Variants in SORCS1 observed in about 807,000 individuals in gnomAD.
SORCS1 encodes the protein sortilin related VPS10 domain containing receptor 1.
Under a neutral mutation model 146.1 loss-of-function variants are expected in SORCS1, and 60 were observed. The observed-to-expected ratio is 0.41, with a 90% confidence interval of 0.33 to 0.51. The LOEUF is 0.51. SORCS1 is among the 20% of genes least tolerant of loss of function. SORCS1 has a pLI of 0.21. For synonymous variants in SORCS1, 637 were observed against 584.0 expected (o/e 1.09, Z -1.31); for missense variants, 1,352 against 1,487.6 (o/e 0.91, Z 1.50).
intron 11 of SORCS1, 63 bp downstream of exon 11, chr10:106,679,569 G>C: frequency 7.4e-7 from 1 of 1,355,650 alleles, no homozygotes; most frequent in Admixed American, 2.0e-5. Flanking sequence ...TCCAAGTACA[G>C]ATATCTAGCT....
In SORCS1 at chr10:106,998,978, T is replaced by C. The variant is rs576726696; in HGVS notation, c.559-42398A>G. Among the ~76,000 whole-genome samples the C allele has an allele frequency of 2.0e-5, 3 of 152,332 alleles. No homozygotes were observed. In the South Asian group the frequency reaches 6.2e-4, roughly 32 times the overall value. ...ACTACAGAAGTTTGGCGCTGAATAA[T>C]TCTTGGAATCTGAGGTTGGTCAGAG... is the stretch of plus-strand genomic sequence containing the variant. On this transcript the variant is annotated intron_variant, in intron 1 of 25. Coordinates refer to ENST00000263054, the MANE Select transcript of SORCS1 (RefSeq NM_052918.5).
At chr10:107,176,531 C>G in the SORCS1 span, among the ~76,000 whole-genome samples, 1 of 151,750 alleles carries the variant, frequency 6.6e-6, no homozygotes, top group East Asian at 1.9e-4. Flanking sequence ...GAGACGGGGC[C>G]CCAGTATGTT....
At chr10:106,785,822 C>A in intron 3 of SORCS1, among the ~76,000 whole-genome samples, 1 of 152,156 alleles carries the variant, frequency 6.6e-6, no homozygotes. Flanking sequence ...TAGAGGGGGT[C>A]ATCCAGGAGG....
intron 1 of SORCS1, among the ~76,000 whole-genome samples, chr10:107,094,924 C>A (rs1964445547): frequency 1.3e-5 from 2 of 152,172 alleles, no homozygotes; most frequent in African/African-American, 2.4e-5. Flanking sequence ...GTTTGATGAT[C>A]TGTCGGCAAG....
At chr10:107,059,810 G>A (rs780805863) in intron 1 of SORCS1, among the ~76,000 whole-genome samples, 25 of 151,896 alleles carry the variant, frequency 1.6e-4, no homozygotes, top group Admixed American at 6.6e-5. Context: ...GCAGGCTTAT[G>A]ATCCACAAGC....
intron 6 of SORCS1, among the ~76,000 whole-genome samples, chr10:106,719,433 T>G (rs1473595971): frequency 7.8e-6 from 1 of 128,096 alleles, no homozygotes; most frequent in Non-Finnish European, 1.7e-5. Flanking sequence ...TTTTTTTTTT[T>G]GATGGAGTCT....
intron 5 of SORCS1, among the ~76,000 whole-genome samples, chr10:106,745,860 A>G (rs996940826): frequency 3.9e-5 from 6 of 152,238 alleles, no homozygotes; most frequent in African/African-American, 1.4e-4. Context: ...TAACATCATC[A>G]GTAATAAGAC....
rs71025579 is a variant in SORCS1, at chr10:107,154,008, C to CTT, written c.558+9959_558+9960dup. On this transcript the variant is annotated intron_variant, in intron 1 of 25. Coordinates refer to ENST00000263054, the MANE Select transcript of SORCS1 (RefSeq NM_052918.5). ...ATTTCCAGTATATTTCTTTTCTTTTCTTTTTTTTTTTTTTTTTTTTTGAGA... is the reference window on the plus strand; with the variant it reads ...ATTTCCAGTATATTTCTTTTCTTTTCTTTTTTTTTTTTTTTTTTTTTTTGAGA... 5.5e-3 allele frequency among the ~76,000 whole-genome samples: 515 copies of CTT among 94,016 alleles called. 16 individuals carry two copies. The highest frequency in any genetic ancestry group is 0.018 in the African/African-American group (436 of 24,708). The allele number at this position is 94,016 out of a possible 152,430, so 61.7% of individuals were successfully genotyped here.
intron 1 of SORCS1, among the ~76,000 whole-genome samples, chr10:107,129,889 C>T (rs986252598): frequency 6.6e-6 from 1 of 152,152 alleles, no homozygotes; most frequent in African/African-American, 2.4e-5. Context: ...AAAAGCTTTG[C>T]TTTGCTCAAG....
chr10:106,910,454 C>A (rs542096524), intron 2 of SORCS1, among the ~76,000 whole-genome samples: 6 of 152,052 alleles, frequency 3.9e-5, no homozygotes, highest in Non-Finnish European at 8.8e-5. Context: ...TGGCACCTGG[C>A]GCAGAGTTAA....
At chr10:106,634,701 T>C (rs750813579) in intron 18 of SORCS1, among the ~76,000 whole-genome samples, 3 of 152,222 alleles carry the variant, frequency 2.0e-5, no homozygotes, top group Non-Finnish European at 4.4e-5. Context: ...TAGGTTGGCA[T>C]TTACTCAATA....
In SORCS1 at chr10:106,611,989, T is replaced by C; in HGVS notation, c.2955A>G (p.Pro985=). 8.7e-6 allele frequency: 14 copies of C among 1,614,078 alleles called. No individual in the cohort carries two copies. The highest frequency in any genetic ancestry group is 1.2e-5 in the Non-Finnish European group (14 of 1,179,988). The change falls in exon 22 of 26, where the codon CCA becomes CCG. Residue 985 remains proline (P), a synonymous_variant. Transcript: ENST00000263054. ...EFRSLRLSFS[P]NLDDYNPDIP... is the part of the protein sequence containing the mutation. Reference sequence around the variant, plus strand: ...TGTCCGGGTTGTAGTCATCCAGGTTTGGAGAAAAGGACAAGCGAAGAGACC... The same window carrying C: ...TGTCCGGGTTGTAGTCATCCAGGTTCGGAGAAAAGGACAAGCGAAGAGACC...
chr10:107,022,485 T>C (rs1219670537), intron 1 of SORCS1, among the ~76,000 whole-genome samples: 1 of 152,108 alleles, frequency 6.6e-6, no homozygotes, highest in Non-Finnish European at 1.5e-5. Flanking sequence ...TCCCATATGC[T>C]TGGCATAAGA....
At position 106,747,450 on chromosome 10, in the gene SORCS1, G is replaced by A. The variant is rs138917835; in HGVS notation, c.959+14138C>T. Among the ~76,000 whole-genome samples, 277 of 152,272 alleles carry A rather than the reference G, an allele frequency of 1.8e-3. 2 individuals carry two copies. The highest frequency in any genetic ancestry group is 6.4e-3 in the African/African-American group (265 of 41,564). On this transcript the variant is annotated intron_variant, in intron 5 of 25. Coordinates refer to ENST00000263054, the MANE Select transcript of SORCS1 (RefSeq NM_052918.5). ...TGTCTTCTAAGTTATCTTTGATCCT[G>A]AGATTCCGATGCATAAATACATCAG...
intron 1 of SORCS1, among the ~76,000 whole-genome samples, chr10:106,991,444 T>C (rs1956768203): frequency 6.6e-6 from 1 of 152,220 alleles, no homozygotes; most frequent in South Asian, 2.1e-4. Context: ...TGGCCTGAGA[T>C]GTTTGAAAGC....
intron 1 of SORCS1, among the ~76,000 whole-genome samples, chr10:106,981,982 T>C (rs568620833): frequency 6.6e-6 from 1 of 152,270 alleles, no homozygotes; most frequent in Non-Finnish European, 1.5e-5. Flanking sequence ...TTCAAACATA[T>C]TGACTTTCAT....
At chr10:107,087,954 T>C (rs1360986665) in intron 1 of SORCS1, among the ~76,000 whole-genome samples, 1 of 152,246 alleles carries the variant, frequency 6.6e-6, no homozygotes, top group Non-Finnish European at 1.5e-5. Context: ...AGTCTCGCTC[T>C]GTCACCCAGG....
intron 19 of SORCS1, among the ~76,000 whole-genome samples, chr10:106,628,961 G>C (rs916458889): frequency 4.6e-5 from 7 of 152,102 alleles, no homozygotes; most frequent in African/African-American, 1.4e-4. Flanking sequence ...AGGCACCCGG[G>C]GTAAGCAGAG....
chr10:107,055,622 T>C (rs781003348), intron 1 of SORCS1, among the ~76,000 whole-genome samples: 3 of 152,136 alleles, frequency 2.0e-5, no homozygotes, highest in Non-Finnish European at 4.4e-5. Flanking sequence ...TACACAAAGT[T>C]CTGCACTTTT....
Sources: gnomAD v4.1 joint callset for allele counts (sites outside exome capture counted in the v4.1 genomes callset) on GRCh38, gnomAD v4.1.1 for gene constraint, MANE v1.5 for transcripts, NCBI Gene and HGNC (gene_info 2026-07-23, HGNC 2026-07-21) for gene names.